The following MTFR1 variants were observed in gnomAD, a reference collection of about 807,000 sequenced individuals.
MTFR1 encodes mitochondrial fission regulator 1, also known as chondrocyte protein with a poly-proline region.
MTFR1 carries 28 observed loss-of-function variants against 38.8 expected under a neutral mutation model. The ratio of observed to expected loss-of-function variants is 0.72; its 90% confidence interval spans 0.53 to 0.99. MTFR1 has a LOEUF of 0.99. Ranked by LOEUF, MTFR1 falls within the 50% of genes least tolerant of loss-of-function variation. MTFR1 has a pLI of 0.00. For synonymous variants in MTFR1, 145 were observed against 137.0 expected, an observed-to-expected ratio of 1.06 and a Z score of -0.41; for missense variants, 358 against 395.5, an observed-to-expected ratio of 0.91 and a Z score of 0.81.
intron 3 of MTFR1, chr8:65,720,421 A>AG (rs1165620223): frequency 1.3e-5 from 2 of 154,168 alleles, no homozygotes; most frequent in African/African-American, 4.8e-5. Context: ...TTGCAGCAAA[A>AG]GACCATGTGG....
intron 1 of MTFR1, among the ~76,000 whole-genome samples, chr8:65,651,578 C>G (rs1809124635): frequency 6.6e-6 from 1 of 152,124 alleles, no homozygotes; most frequent in Admixed American, 6.5e-5. Flanking sequence ...AATGTATGTT[C>G]TTGGCACCTT....
chr8:65,709,019 T>C lies in MTFR1; in HGVS notation c.977T>C (p.Leu326Ser), dbSNP rs1184148414. The C allele has an allele frequency of 6.2e-7, 1 of 1,614,032 alleles. No homozygotes were observed. Among genetic ancestry groups the C allele is most frequent in the East Asian group, 2.2e-5 (1 of 44,882 alleles). Residue 326 changes from leucine to serine, a missense_variant, in exon 8 of 8, where the codon TTA (leucine) becomes TCA (serine). Transcript: ENST00000262146. Reference sequence around the variant, plus strand: ...AAGCCAACAGGAAAAATGAAGGCTTTAATTGAAAATGTATCAGACTCCTAA... The same window carrying C: ...AAGCCAACAGGAAAAATGAAGGCTTCAATTGAAAATGTATCAGACTCCTAA... ...MLKPTGKMKA[L>S]IENVSDS
At chr8:65,663,301 ATG>A (rs761988176) in intron 1 of MTFR1, among the ~76,000 whole-genome samples, 11 of 152,122 alleles carry the variant, frequency 7.2e-5, no homozygotes, top group Non-Finnish European at 1.3e-4. Flanking sequence ...GTGGTGCAAG[ATG>A]TGCTTTGTTA....
intron 3 of MTFR1, among the ~76,000 whole-genome samples, chr8:65,760,415 T>C (rs892102825): frequency 2.2e-4 from 33 of 152,204 alleles, no homozygotes; most frequent in African/African-American, 7.5e-4. Flanking sequence ...AAGATCCTTA[T>C]AACTAAATTT....
Position 65,730,176 on chromosome 8 carries a change from T to C in MTFR1, c.*48+10695T>C, listed in dbSNP as rs1463280761. Among the ~76,000 whole-genome samples the C allele has an allele frequency of 1.9e-3, 217 of 112,760 alleles. 13 individuals carry two copies. The highest frequency in any genetic ancestry group is 6.3e-3 in the South Asian group (20 of 3,200). 74.0% of individuals were successfully genotyped at this position (112,760 alleles called of 152,430 possible). A position where few individuals can be genotyped will look rare whatever the true frequency, so the allele number is the denominator to read the frequency against. ...GGGATCCAGGTTGCGCACTTCTTTTTTTTTTTTTTTTTTTTTTTTTTGAGA... is the reference window on the plus strand; with the variant it reads ...GGGATCCAGGTTGCGCACTTCTTTTCTTTTTTTTTTTTTTTTTTTTTGAGA... On this transcript the variant is annotated intron_variant, in intron 3 of 3. Coordinates refer to the MTFR1 transcript ENST00000521247.
chr8:65,658,189 A>G (rs575029519), intron 1 of MTFR1, among the ~76,000 whole-genome samples: 12 of 152,278 alleles, frequency 7.9e-5, no homozygotes, highest in Non-Finnish European at 1.5e-4. Context: ...GTTCTCAAAA[A>G]CCTTCTAAAA....
intron 2 of MTFR1, among the ~76,000 whole-genome samples, chr8:65,673,868 T>C (rs1366178208): frequency 2.6e-5 from 4 of 151,982 alleles, no homozygotes; most frequent in Admixed American, 1.3e-4. Flanking sequence ...ATTGTGCCAC[T>C]GCACTCCAGC....
Position 65,682,377 on chromosome 8 carries a change from G to A in MTFR1, c.91G>A (p.Gly31Ser). Residue 31 changes from glycine (G) to serine (S), a missense_variant, in exon 3 of 8, where the codon GGT becomes AGT. Physicochemically the swap from Gly to Ser is moderately conservative, Grantham distance 56. Transcript: ENST00000262146. ...GGTACTTTGGTCTAGGAAGCCATATGGTTCGTCTCGAAGTATCGTAAGGAA... is the reference window on the plus strand; with the variant it reads ...GGTACTTTGGTCTAGGAAGCCATATAGTTCGTCTCGAAGTATCGTAAGGAA... ...QSVLWSRKPY[G>S]SSRSIVRKIG... 6.4e-7 allele frequency: 1 copy of A among 1,569,996 alleles called. No individual in the cohort carries two copies. The highest frequency in any genetic ancestry group is 1.4e-5 in the African/African-American group (1 of 73,212).
At chr8:65,670,078 T>G in intron 2 of MTFR1, 60 bp downstream of exon 2, 1 of 1,429,400 alleles carries the variant, frequency 7.0e-7, no homozygotes, top group Non-Finnish European at 9.6e-7. Flanking sequence ...GAATTTTTTC[T>G]GAGAAAATGA....
chr8:65,762,917 G>T (rs1185119935), intron 3 of MTFR1, among the ~76,000 whole-genome samples: 1 of 151,780 alleles, frequency 6.6e-6, no homozygotes, highest in African/African-American at 2.4e-5. Context: ...TGGGAGGATT[G>T]CTTGAGCCCA....
At chr8:65,730,395 G>A (rs1806831168) in intron 3 of MTFR1, among the ~76,000 whole-genome samples, 1 of 151,402 alleles carries the variant, frequency 6.6e-6, no homozygotes, top group Non-Finnish European at 1.5e-5. Context: ...GGTCAGGCTG[G>A]TCTCGAACTC....
chr8:65,744,594 A>G (rs1269399974), intron 3 of MTFR1, among the ~76,000 whole-genome samples: 1 of 152,190 alleles, frequency 6.6e-6, no homozygotes, highest in Admixed American at 6.5e-5. Context: ...AAGCGCTCTT[A>G]AAGAAGCTAC....
chr8:65,688,488 G>A (rs898428000), intron 3 of MTFR1, among the ~76,000 whole-genome samples: 2 of 136,616 alleles, frequency 1.5e-5, no homozygotes, highest in South Asian at 2.4e-4. Context: ...TTGCTCTGTC[G>A]CCCAGGCTGG....
chr8:65,694,129 C>T lies in MTFR1; in HGVS notation c.281+370C>T, dbSNP rs1021505844. Among the ~76,000 whole-genome samples the T allele has an allele frequency of 5.4e-5, 8 of 148,452 alleles. No homozygotes were observed. In the South Asian group the frequency reaches 1.5e-3, roughly 28 times the overall value. ...TTGTTCTGTCACCCACGCTCCAGTG[C>T]AGTGGCGTGATCTCGGCTCATTGCA... On this transcript the variant is annotated intron_variant, in intron 4 of 7. Coordinates refer to ENST00000262146, the MANE Select transcript of MTFR1 (RefSeq NM_014637.4).
rs371620919 is a variant in MTFR1 at position 65,750,474 on chromosome 8, C to CTGTGTGTGTGTG, written c.*49-20455_*49-20444dup. ...TATGTATATATGTAAATTAGAATCA[C>CTGTGTGTGTGTG]TGTGTGTGTGTGTGTGTGTGTGTGT... On this transcript the variant is annotated intron_variant, in intron 3 of 3. Coordinates refer to the MTFR1 transcript ENST00000521247. Among the ~76,000 whole-genome samples, 1,132 of 142,592 alleles carry CTGTGTGTGTGTG rather than the reference C, an allele frequency of 7.9e-3. 11 individuals are homozygous for CTGTGTGTGTGTG. The highest frequency in any genetic ancestry group is 0.014 in the African/African-American group (521 of 38,140). The allele number at this position is 142,592 out of a possible 152,430, so 93.5% of individuals were successfully genotyped here.
chr8:65,667,694 T>C (rs950055878), intron 1 of MTFR1, among the ~76,000 whole-genome samples: 2 of 152,186 alleles, frequency 1.3e-5, no homozygotes, highest in African/African-American at 4.8e-5. Flanking sequence ...TCCAGAGTGT[T>C]GGAATTACAG....
downstream of MTFR1, among the ~76,000 whole-genome samples, chr8:65,712,403 A>G (rs778051923): frequency 2.0e-5 from 3 of 152,134 alleles, no homozygotes; most frequent in Non-Finnish European, 4.4e-5. Context: ...AGCTTTTCCA[A>G]TCAGGTTCTC....
chr8:65,653,739 TTTAA>T (rs1172665105), intron 1 of MTFR1, among the ~76,000 whole-genome samples: 2 of 152,094 alleles, frequency 1.3e-5, no homozygotes, highest in African/African-American at 4.8e-5. Context: ...ATTTCAGTTA[TTTAA>T]TTTAGAAAAT....
intron 3 of MTFR1, among the ~76,000 whole-genome samples, chr8:65,763,148 A>G (rs1808596738): frequency 6.6e-6 from 1 of 152,116 alleles, no homozygotes; most frequent in South Asian, 2.1e-4. Context: ...TTCCCTCCCA[A>G]AAGAATTGCT....
Sources: gnomAD v4.1 joint callset for allele counts (sites outside exome capture counted in the v4.1 genomes callset) on GRCh38, gnomAD v4.1.1 for gene constraint, MANE v1.5 for transcripts, NCBI Gene and HGNC (gene_info 2026-07-23, HGNC 2026-07-21) for gene names.